The following FBXW11 variants were observed in gnomAD, a reference collection of about 807,000 sequenced individuals.
The protein encoded by FBXW11 is F-box and WD repeat domain containing 11.
FBXW11 carries 19 observed loss-of-function variants against 77.6 expected under a neutral mutation model. The ratio of observed to expected loss-of-function variants is 0.24; its 90% confidence interval spans 0.17 to 0.36. The LOEUF is 0.36. Among genes scored for constraint, FBXW11 ranks in the 10% least tolerant of loss-of-function variants. The pLI, the probability that FBXW11 is intolerant of heterozygous loss-of-function variation, is 1.00. For synonymous variants in FBXW11, 235 were observed against 249.4 expected (o/e 0.94, Z 0.54); for missense variants, 334 against 704.2 (o/e 0.47, Z 5.95).
chr5:171,897,861 A>G (rs1387812915), intron 6 of FBXW11, among the ~76,000 whole-genome samples: 1 of 152,192 alleles, frequency 6.6e-6, no homozygotes. Flanking sequence ...CTCCCCTACA[A>G]TACACACACA....
intron 1 of FBXW11, among the ~76,000 whole-genome samples, chr5:172,004,548 G>A (rs1290407980): frequency 1.3e-5 from 2 of 151,996 alleles, no homozygotes; most frequent in Non-Finnish European, 2.9e-5. Context: ...GGGTTACAAC[G>A]TATTTCTTAT....
intron 6 of FBXW11, among the ~76,000 whole-genome samples, chr5:171,898,239 T>C (rs547199545): frequency 6.6e-6 from 1 of 152,278 alleles, no homozygotes; most frequent in African/African-American, 2.4e-5. Flanking sequence ...TACTTCACAT[T>C]TGGGAAACTG....
At chr5:171,959,147 C>G (rs1056928509) in intron 1 of FBXW11, among the ~76,000 whole-genome samples, 2 of 151,364 alleles carry the variant, frequency 1.3e-5, no homozygotes, top group Non-Finnish European at 2.9e-5. Flanking sequence ...ATCAGAGGAA[C>G]CAAATGGAAT....
chr5:171,993,779 G>GT (rs1765883485), intron 1 of FBXW11, among the ~76,000 whole-genome samples: 1 of 152,132 alleles, frequency 6.6e-6, no homozygotes, highest in Admixed American at 6.6e-5. Context: ...TCAAATTTCT[G>GT]TGAGTGTTAA....
At chr5:171,940,701 A>C (rs1447560412) in intron 2 of FBXW11, among the ~76,000 whole-genome samples, 1 of 152,138 alleles carries the variant, frequency 6.6e-6, no homozygotes, top group Non-Finnish European at 1.5e-5. Flanking sequence ...CAGCCTGACC[A>C]ACACAGTGAA....
At chr5:171,979,794 G>T (rs1765047101) in intron 1 of FBXW11, among the ~76,000 whole-genome samples, 1 of 152,238 alleles carries the variant, frequency 6.6e-6, no homozygotes, top group African/African-American at 2.4e-5. Flanking sequence ...CTGCAGAAAG[G>T]GTACACTCGC....
At chr5:171,927,309 A>G (rs1761944256) in intron 2 of FBXW11, among the ~76,000 whole-genome samples, 1 of 152,242 alleles carries the variant, frequency 6.6e-6, no homozygotes, top group African/African-American at 2.4e-5. Context: ...AAAATATACC[A>G]CAATATACCT....
intron 2 of FBXW11, among the ~76,000 whole-genome samples, chr5:171,957,172 G>C (rs1044629488): frequency 1.3e-5 from 2 of 152,036 alleles, no homozygotes; most frequent in African/African-American, 4.8e-5. Context: ...CTCCTTTTTT[G>C]AAGAGGGGAG....
intron 2 of FBXW11, among the ~76,000 whole-genome samples, chr5:171,952,669 T>C (rs1763408029): frequency 6.7e-6 from 1 of 150,020 alleles, no homozygotes; most frequent in Non-Finnish European, 1.5e-5. Flanking sequence ...GCCAGGCTGG[T>C]CTTGACCTGA....
At chr5:171,915,498 T>C (rs1193056139) in intron 2 of FBXW11, among the ~76,000 whole-genome samples, 1 of 152,152 alleles carries the variant, frequency 6.6e-6, no homozygotes, top group Non-Finnish European at 1.5e-5. Context: ...CACTGAACAC[T>C]AGCTGCTCTA....
intron 4 of FBXW11, among the ~76,000 whole-genome samples, chr5:171,903,718 T>C (rs1406291652): frequency 6.6e-6 from 1 of 151,872 alleles, no homozygotes; most frequent in African/African-American, 2.4e-5. Context: ...TGATCATGGC[T>C]CACTACAGCC....
chr5:171,997,250 G>GT (rs1561761254), intron 1 of FBXW11, among the ~76,000 whole-genome samples: 1 of 152,166 alleles, frequency 6.6e-6, no homozygotes. Flanking sequence ...TACAAAACTC[G>GT]TAACAAATAA....
At chr5:171,964,527 C>T (rs1307710477) in intron 1 of FBXW11, among the ~76,000 whole-genome samples, 1 of 152,238 alleles carries the variant, frequency 6.6e-6, no homozygotes, top group Non-Finnish European at 1.5e-5. Context: ...GTTAACCCAA[C>T]TTAGGAATTA....
At chr5:171,969,681 A>G (rs1764415184) in intron 1 of FBXW11, among the ~76,000 whole-genome samples, 2 of 152,186 alleles carry the variant, frequency 1.3e-5, no homozygotes, top group South Asian at 4.1e-4. Context: ...CTTCAAGAGT[A>G]TTAAAACTTA....
rs1247607038 is a variant in FBXW11 at position 171,862,565 on chromosome 5, C to A, written c.*1562G>T. On this transcript the variant is annotated 3_prime_UTR_variant, in exon 14 of 14. Coordinates refer to ENST00000517395, the MANE Select transcript of FBXW11 (RefSeq NM_001378974.1). ...AACAATGGCGAAGGGCAAATCAAACCTAATATTGAATAAGGGAGAAGGAGT... is the reference window on the plus strand; with the variant it reads ...AACAATGGCGAAGGGCAAATCAAACATAATATTGAATAAGGGAGAAGGAGT... 6.6e-6 allele frequency: 1 copy of A among 152,592 alleles called. No homozygotes were observed. The highest frequency in any genetic ancestry group is 2.4e-5 in the African/African-American group (1 of 41,418). The allele number at this position is 152,592 out of a possible 1,614,324, so 9.5% of individuals were successfully genotyped here.
chr5:171,882,678 C>CTT (rs1758597784), intron 7 of FBXW11, among the ~76,000 whole-genome samples: 1 of 136,698 alleles, frequency 7.3e-6, no homozygotes, highest in Non-Finnish European at 1.6e-5. Context: ...GTTATGTAAC[C>CTT]TTAAAGTATT....
intron 4 of FBXW11, 144 bp from the exon 5 acceptor site, chr5:171,900,244 T>C: frequency 1.6e-6 from 1 of 639,264 alleles, no homozygotes; most frequent in Non-Finnish European, 2.6e-6. Context: ...GATACTCAAA[T>C]CCATGAGTAC....
intron 3 of FBXW11, among the ~76,000 whole-genome samples, chr5:171,911,470 T>C (rs1368633276): frequency 6.6e-6 from 1 of 152,230 alleles, no homozygotes; most frequent in Non-Finnish European, 1.5e-5. Flanking sequence ...ATAACAAAGA[T>C]AAGCTGTGTT....
At chr5:171,975,173 T>A (rs1263608992) in intron 1 of FBXW11, among the ~76,000 whole-genome samples, 1 of 152,130 alleles carries the variant, frequency 6.6e-6, no homozygotes, top group African/African-American at 2.4e-5. Flanking sequence ...ACCTGCTATA[T>A]TAAAAGAGAC....
Sources: gnomAD v4.1 joint callset for allele counts (sites outside exome capture counted in the v4.1 genomes callset) on GRCh38, gnomAD v4.1.1 for gene constraint, MANE v1.5 for transcripts, NCBI Gene and HGNC (gene_info 2026-07-23, HGNC 2026-07-21) for gene names.